The following OTOG variants were observed in gnomAD, a reference collection of about 807,000 sequenced individuals.
The protein encoded by OTOG is otogelin.
Under a neutral mutation model 313.8 loss-of-function variants are expected in OTOG, and 296 were observed. The ratio of observed to expected loss-of-function variants is 0.94; its 90% CI spans 0.86 to 1.04. The LOEUF (loss-of-function observed/expected upper bound fraction) is 1.04, where lower values mean the gene tolerates loss of function less well. Among genes scored for constraint, OTOG ranks in the 50% least tolerant of loss-of-function variants. The pLI is 0.00. For synonymous variants in OTOG, 1,533 were observed against 1,554.9 expected (o/e 0.99, Z 0.33); for missense variants, 3,948 against 3,840.1 (o/e 1.03, Z -0.74).
chr11:17,633,597 C>G, intron 42 of OTOG, 83 bp from the exon 43 acceptor site: 1 of 1,315,556 alleles, frequency 7.6e-7, no homozygotes, highest in Non-Finnish European at 1.0e-6. Flanking sequence ...GCCCTCTCCT[C>G]ATCCCCTCCT....
In OTOG at chr11:17,574,708, C is replaced by A; in HGVS notation, c.2294-12C>A. On this transcript the variant is annotated splice_polypyrimidine_tract_variant and intron_variant, in intron 19 of 55. Coordinates refer to ENST00000399397, the MANE Select transcript of OTOG (RefSeq NM_001292063.2). ...GGGAGACAAAGCATGCACCACTCCC[C>A]CCTCACTGCAGCACTGTCCTGTGAG... is the stretch of plus-strand genomic sequence containing the variant. 6.5e-7 allele frequency: 1 copy of A among 1,547,920 alleles called. No homozygotes were observed. The highest frequency in any genetic ancestry group is 8.7e-7 in the Non-Finnish European group (1 of 1,145,516).
intron 23 of OTOG, among the ~76,000 whole-genome samples, chr11:17,580,031 C>A (rs1372109122): frequency 6.6e-6 from 1 of 152,170 alleles, no homozygotes; most frequent in Non-Finnish European, 1.5e-5. Flanking sequence ...GATAGGGCTC[C>A]CAAAGATGCC....
chr11:17,600,477 C>A (rs1321864880), intron 31 of OTOG, among the ~76,000 whole-genome samples: 1 of 152,202 alleles, frequency 6.6e-6, no homozygotes, highest in Admixed American at 6.5e-5. Flanking sequence ...GGCAGAGGCC[C>A]AGACTTTTTG....
At chr11:17,612,843 A>G in intron 38 of OTOG, 78 bp downstream of exon 38, 1 of 1,450,678 alleles carries the variant, frequency 6.9e-7, no homozygotes, top group African/African-American at 1.4e-5. Context: ...GCAGTGAGCC[A>G]GGGTACCAGA....
chr11:17,639,531 TC>T, intron 49 of OTOG, 68 bp downstream of exon 49: 1 of 1,468,000 alleles, frequency 6.8e-7, no homozygotes, highest in Non-Finnish European at 9.3e-7. Context: ...TATCCCCTCC[TC>T]TAGAGAATCT....
In OTOG at chr11:17,572,192, C is replaced by A. The variant is rs535850558; in HGVS notation, c.2068C>A (p.His690Asn). 6.5e-7 allele frequency: 1 copy of A among 1,550,238 alleles called. No homozygotes were observed. The highest frequency in any genetic ancestry group is 1.4e-5 in the African/African-American group (1 of 73,008). Residue 690 changes from histidine to asparagine, a missense_variant, in exon 18 of 56, where the codon CAC becomes AAC. Transcript: ENST00000399397. ...CTCCCCTCTGGACCCCTGCGATGTG[C>A]ACCTGCAAGCCGGTGAGTTGGTGGG... ...SGSPLDPCDV[H>N]LQAASYSVQA...
chr11:17,557,370 G>T lies in OTOG; in HGVS notation c.865+47G>T, dbSNP rs1224853040. ...TCTGAGGGGTGTTGGTGGGGATGGG[G>T]GACAGGTCAGGCTGGGAGGGGTTGG... On this transcript the variant is annotated intron_variant, in intron 8 of 55. Transcript: ENST00000399397. 3 of 1,530,452 alleles carry T rather than the reference G, an allele frequency of 2.0e-6. No homozygotes were observed. In the African/African-American group the frequency reaches 4.1e-5, roughly 21 times the overall value. 94.8% of individuals were successfully genotyped at this position (1,530,452 alleles called of 1,614,324 possible). A position where few individuals can be genotyped will look rare whatever the true frequency, so the allele number is the denominator to read the frequency against.
chr11:17,602,418 C>A, intron 32 of OTOG, 41 bp downstream of exon 32: 1 of 1,533,378 alleles, frequency 6.5e-7, no homozygotes, highest in Non-Finnish European at 8.8e-7. Context: ...TTCTGGGAGG[C>A]AGGAGGGTGC....
intron 39 of OTOG, among the ~76,000 whole-genome samples, chr11:17,617,105 T>G (rs1853739367): frequency 6.6e-6 from 1 of 152,242 alleles, no homozygotes; most frequent in South Asian, 2.1e-4. Flanking sequence ...CTGCACCTAT[T>G]TGGATAATCA....
chr11:17,562,175 T>C (rs903222193), intron 15 of OTOG, among the ~76,000 whole-genome samples: 1 of 147,568 alleles, frequency 6.8e-6, no homozygotes, highest in African/African-American at 2.5e-5. Flanking sequence ...TAGGTGGAGC[T>C]TGCAGTGAGC....
intron 8 of OTOG, among the ~76,000 whole-genome samples, chr11:17,557,801 C>G (rs2134005123): frequency 6.6e-6 from 1 of 152,298 alleles, no homozygotes; most frequent in South Asian, 2.1e-4. Flanking sequence ...TTACATGCAT[C>G]ATCTCAAGTA....
intron 6 of OTOG, among the ~76,000 whole-genome samples, chr11:17,555,068 C>G (rs1017629317): frequency 1.3e-5 from 2 of 152,210 alleles, no homozygotes; most frequent in Non-Finnish European, 2.9e-5. Flanking sequence ...GAACAGTAAT[C>G]TGATGGAAGG....
chr11:17,618,918 A>G (rs1028336163), intron 39 of OTOG, among the ~76,000 whole-genome samples: 10 of 152,252 alleles, frequency 6.6e-5, no homozygotes, highest in Non-Finnish European at 1.5e-4. Flanking sequence ...ATGTATATCT[A>G]AGATGTATCT....
chr11:17,587,048 G>A (rs1458923132), intron 24 of OTOG, among the ~76,000 whole-genome samples: 2 of 152,216 alleles, frequency 1.3e-5, no homozygotes, highest in South Asian at 2.1e-4. Context: ...CATTTAAAAT[G>A]TGTGCACATG....
intron 47 of OTOG, 107 bp from the exon 48 acceptor site, chr11:17,638,344 T>G: frequency 1.0e-6 from 1 of 972,900 alleles, no homozygotes; most frequent in Non-Finnish European, 1.5e-6. Flanking sequence ...TGGGGGTCAC[T>G]AAGGAGGAGC....
intron 15 of OTOG, 141 bp downstream of exon 15, chr11:17,561,948 C>T (rs1852195826): frequency 1.9e-6 from 2 of 1,062,108 alleles, no homozygotes; most frequent in South Asian, 3.2e-5. Flanking sequence ...GAAGACTGGA[C>T]TCCAGCCCAA....
chr11:17,631,595 TG>T, intron 40 of OTOG, 106 bp from the exon 41 acceptor site: 1 of 886,526 alleles, frequency 1.1e-6, no homozygotes, highest in Non-Finnish European at 1.7e-6. Flanking sequence ...ATGGGGATAA[TG>T]GTATTATTGA....
In OTOG at chr11:17,610,948, CA is replaced by C. The variant is rs1175947359; in HGVS notation, c.5650del (p.Thr1884ProfsTer83). 6.5e-7 allele frequency: 1 copy of C among 1,550,384 alleles called. No homozygotes were observed. The highest frequency in any genetic ancestry group is 1.4e-5 in the African/African-American group (1 of 73,034). On this transcript the variant is annotated frameshift_variant, in exon 36 of 56. Transcript: ENST00000399397. LOFTEE classifies it high-confidence loss of function. ...APGLLLGATL[P>X]TSGVLPVAEG... Reference sequence around the variant, plus strand: ...GGCCTGCTGCTGGGAGCCACATTGCCAACCTCTGGAGTCCTGCCTGTGGCTG... The same window carrying C: ...GGCCTGCTGCTGGGAGCCACATTGCCACCTCTGGAGTCCTGCCTGTGGCTG...
chr11:17,568,061 C>T (rs570419429), intron 15 of OTOG, among the ~76,000 whole-genome samples: 2 of 152,090 alleles, frequency 1.3e-5, no homozygotes, highest in African/African-American at 4.8e-5. Context: ...GCACCCGCCA[C>T]CATGCCTGGC....
Sources: allele counts gnomAD v4.1 joint callset (sites outside exome capture counted in the v4.1 genomes callset), GRCh38; gene constraint gnomAD v4.1.1; transcripts MANE v1.5; gene names NCBI Gene and HGNC (gene_info 2026-07-23, HGNC 2026-07-21).